The following DOCK7 variants were observed in gnomAD, a reference collection of about 807,000 sequenced individuals.
DOCK7 encodes the protein dedicator of cytokinesis protein 7.
In DOCK7, 138 loss-of-function variants were observed where a neutral mutation model predicts 271.0. The observed-to-expected ratio is 0.51, with a 90% CI of 0.44 to 0.59. The LOEUF (loss-of-function observed/expected upper bound fraction) is 0.59. DOCK7 is among the 20% of genes least tolerant of loss of function. The pLI, the probability that DOCK7 is intolerant of heterozygous loss-of-function variation, is 0.00. For missense variants in DOCK7, 2,066 were observed against 2,592.4 expected, an observed-to-expected ratio of 0.80 and a Z score of 4.41; for synonymous variants, 823 against 876.1, an observed-to-expected ratio of 0.94 and a Z score of 1.07.
intron 31 of DOCK7, among the ~76,000 whole-genome samples, chr1:62,514,947 G>A (rs1644615574): frequency 2.0e-5 from 3 of 152,048 alleles, no homozygotes; most frequent in South Asian, 4.2e-4. Context: ...AAGAAGTAGA[G>A]GGGATGTTGA....
intron 49 of DOCK7, among the ~76,000 whole-genome samples, chr1:62,455,915 T>C (rs3913007): frequency 0.33 from 49,749 of 151,954 alleles, 8,277 homozygotes; most frequent in South Asian, 0.42. Flanking sequence ...GTTTATCATA[T>C]CAGAAATTAA....
intron 31 of DOCK7, among the ~76,000 whole-genome samples, chr1:62,525,434 T>C (rs1332577618): frequency 6.6e-6 from 1 of 152,224 alleles, no homozygotes; most frequent in Non-Finnish European, 1.5e-5. Context: ...AACATCCTTG[T>C]TTTTGACCTG....
At position 62,654,117 on chromosome 1, in the gene DOCK7, A is replaced by C; in HGVS notation, c.187T>G (p.Tyr63Asp). The C allele has an allele frequency of 1.2e-6, 2 of 1,613,862 alleles. No individual in the cohort carries two copies. Among genetic ancestry groups the C allele is most frequent in the South Asian group, 2.2e-5 (2 of 91,010 alleles). Residue 63 changes from tyrosine to aspartate, a missense_variant, in exon 3 of 50, where the codon TAC becomes GAC. Coordinates refer to ENST00000635253, the MANE Select transcript of DOCK7 (RefSeq NM_001367561.1). The part of the protein sequence containing the change: ...EAVDPVDLED[Y>D]LITHPLAVDS... ...ACAGCCAAAGGATGAGTAATGAGGTAATCTTCCAAATCCACTGGATCTACT... is the reference window on the plus strand; with the variant it reads ...ACAGCCAAAGGATGAGTAATGAGGTCATCTTCCAAATCCACTGGATCTACT...
chr1:62,456,875 T>A (rs1359842364), intron 49 of DOCK7, among the ~76,000 whole-genome samples: 1 of 152,170 alleles, frequency 6.6e-6, no homozygotes, highest in Non-Finnish European at 1.5e-5. Flanking sequence ...GGGACTAGTA[T>A]GTTTCCCATT....
At position 62,597,782 on chromosome 1, in the gene DOCK7, T is replaced by C. The variant is rs775299081; in HGVS notation, c.1683-11158A>G. On this transcript the variant is annotated intron_variant, in intron 14 of 49. Coordinates refer to ENST00000635253, the MANE Select transcript of DOCK7 (RefSeq NM_001367561.1). ...CGAAGGGCCAAATTAATGACATATT[T>C]CAAAAACTCAACATATTTGATCAGT... 3.1e-6 allele frequency: 5 copies of C among 1,613,492 alleles called. No individual in the cohort carries two copies. In the Admixed American group the frequency reaches 8.3e-5, roughly 27 times the overall value.
At chr1:62,551,382 A>T (rs1011472272) in intron 22 of DOCK7, among the ~76,000 whole-genome samples, 1 of 151,186 alleles carries the variant, frequency 6.6e-6, no homozygotes, top group South Asian at 2.1e-4. Context: ...GAACAAACTC[A>T]TAATGTTTTA....
chr1:62,675,739 C>T (rs1053653873), intron 1 of DOCK7, among the ~76,000 whole-genome samples: 1 of 151,670 alleles, frequency 6.6e-6, no homozygotes, highest in East Asian at 1.9e-4. Flanking sequence ...GAGCCGAGAT[C>T]GCGCCACTGT....
At chr1:62,498,947 G>A (rs1192585372) in intron 37 of DOCK7, among the ~76,000 whole-genome samples, 4 of 151,904 alleles carry the variant, frequency 2.6e-5, no homozygotes, top group African/African-American at 4.8e-5. Flanking sequence ...GATTACAGGC[G>A]CCCGCCACCA....
intron 14 of DOCK7, chr1:62,604,485 G>T: frequency 1.1e-6 from 1 of 937,390 alleles, no homozygotes; most frequent in Admixed American, 2.7e-5. Context: ...TTTAAAATTG[G>T]GACTTATACA....
intron 37 of DOCK7, among the ~76,000 whole-genome samples, chr1:62,496,868 T>C (rs1341209391): frequency 6.6e-6 from 1 of 152,170 alleles, no homozygotes; most frequent in Non-Finnish European, 1.5e-5. Context: ...ATTTAAATTC[T>C]AGTCCATTTC....
intron 37 of DOCK7, among the ~76,000 whole-genome samples, chr1:62,500,582 A>G (rs1440355289): frequency 1.3e-5 from 2 of 152,202 alleles, no homozygotes; most frequent in Admixed American, 1.3e-4. Flanking sequence ...AAATCAGTCA[A>G]TACTAAGACA....
intron 9 of DOCK7, 91 bp from the exon 10 acceptor site, chr1:62,633,669 C>G (rs1654901427): frequency 1.2e-6 from 1 of 812,934 alleles, no homozygotes; most frequent in Admixed American, 2.2e-5. Flanking sequence ...AACACATTAA[C>G]AGAATGACAG....
chr1:62,499,012 G>C (rs1170715743), intron 37 of DOCK7, among the ~76,000 whole-genome samples: 2 of 151,964 alleles, frequency 1.3e-5, no homozygotes, highest in African/African-American at 4.8e-5. Flanking sequence ...ATGTTGGCCA[G>C]GCTGGTCTTG....
intron 49 of DOCK7, among the ~76,000 whole-genome samples, chr1:62,456,723 G>A (rs1453083461): frequency 6.6e-6 from 1 of 152,074 alleles, no homozygotes; most frequent in Non-Finnish European, 1.5e-5. Flanking sequence ...GAACTGAGAT[G>A]AGGATTAGGC....
chr1:62,650,979 T>C (rs1444986538), intron 4 of DOCK7, among the ~76,000 whole-genome samples: 1 of 152,048 alleles, frequency 6.6e-6, no homozygotes, highest in African/African-American at 2.4e-5. Flanking sequence ...CATGCTGCTA[T>C]AAAGACACAT....
intron 34 of DOCK7, 130 bp from the exon 35 acceptor site, chr1:62,508,188 G>A: frequency 2.4e-6 from 2 of 839,264 alleles, no homozygotes; most frequent in Non-Finnish European, 3.5e-6. Flanking sequence ...AATTACAAGA[G>A]AATAAGAAAA....
chr1:62,659,906 T>C (rs1165716956), intron 2 of DOCK7, among the ~76,000 whole-genome samples: 1 of 152,198 alleles, frequency 6.6e-6, no homozygotes, highest in Non-Finnish European at 1.5e-5. Context: ...GTGTATGTAC[T>C]AAATAACAGA....
In DOCK7 at chr1:62,542,679, G is replaced by A; in HGVS notation, c.2974C>T (p.Gln992Ter). 6.2e-7 allele frequency: 1 copy of A among 1,613,076 alleles called. No homozygotes were observed. Among genetic ancestry groups the A allele is most frequent in the Non-Finnish European group, 8.5e-7 (1 of 1,179,456 alleles). ...ACGCTGCCACTGCAAACAACCCACTGCAAAGCCAGCTCCTCGTGAAAAAGC... is the reference window on the plus strand; with the variant it reads ...ACGCTGCCACTGCAAACAACCCACTACAAAGCCAGCTCCTCGTGAAAAAGC... ...KKLFHEELALQWVVCSGSVRE... is the reference protein window; with the variant it reads ...KKLFHEELAL Residue 992 changes from glutamine (Q) to a stop codon, truncating the protein, a stop_gained, in exon 25 of 50, where the codon CAG becomes TAG. Transcript: ENST00000635253. LOFTEE classifies it high-confidence loss of function.
chr1:62,555,767 T>A (rs1450629217), intron 21 of DOCK7, 58 bp downstream of exon 21: 19 of 1,547,478 alleles, frequency 1.2e-5, no homozygotes, highest in Admixed American at 2.0e-5. Flanking sequence ...ATTATCTCAA[T>A]ACTGACATGA....
Sources: allele counts gnomAD v4.1 joint callset (sites outside exome capture counted in the v4.1 genomes callset), GRCh38; gene constraint gnomAD v4.1.1; transcripts MANE v1.5; gene names NCBI Gene and HGNC (gene_info 2026-07-23, HGNC 2026-07-21).